The following CDH22 variants were observed in gnomAD, a reference collection of about 807,000 sequenced individuals.
CDH22 encodes the protein cadherin 22.
In CDH22, 30 loss-of-function variants were observed where a neutral mutation model predicts 58.4. The observed-to-expected ratio is 0.51, with a 90% CI of 0.38 to 0.70. CDH22 has a LOEUF of 0.70. CDH22 is among the 30% of genes least tolerant of loss of function. The pLI, the probability that CDH22 is intolerant of heterozygous loss-of-function variation, is 0.00. For missense variants in CDH22, 1,014 were observed against 1,233.9 expected (o/e 0.82, Z 2.67); for synonymous variants, 513 against 558.2 (o/e 0.92, Z 1.14).
chr20:46,281,201 G>A (rs1488194749), intron 1 of CDH22, among the ~76,000 whole-genome samples: 3 of 152,180 alleles, frequency 2.0e-5, no homozygotes, highest in Non-Finnish European at 4.4e-5. Flanking sequence ...CTGTGTGGAG[G>A]GTGGCTTTGG....
chr20:46,236,330 C>T (rs893832690), intron 3 of CDH22, among the ~76,000 whole-genome samples: 29 of 151,342 alleles, frequency 1.9e-4, no homozygotes, highest in African/African-American at 6.1e-4. Context: ...TCCTTGGTTC[C>T]CTTCCTTCAG....
intron 7 of CDH22, among the ~76,000 whole-genome samples, chr20:46,208,840 G>A (rs563437505): frequency 2.2e-4 from 33 of 152,152 alleles, no homozygotes; most frequent in Non-Finnish European, 3.8e-4. Context: ...TGATCTGCCC[G>A]CCTCGGCCTC....
At chr20:46,179,348 G>T (rs2085768310) in intron 10 of CDH22, among the ~76,000 whole-genome samples, 1 of 152,164 alleles carries the variant, frequency 6.6e-6, no homozygotes, top group Non-Finnish European at 1.5e-5. Context: ...TGGCAGCCTG[G>T]GTTCCTTACC....
intron 4 of CDH22, among the ~76,000 whole-genome samples, chr20:46,222,118 G>A (rs375703064): frequency 6.6e-6 from 1 of 152,188 alleles, no homozygotes; most frequent in South Asian, 2.1e-4. Context: ...TAGGGCTGTT[G>A]AGAGGACTGA....
chr20:46,197,315 T>TATATATATAC (rs1555801324), intron 8 of CDH22, among the ~76,000 whole-genome samples: 1 of 147,594 alleles, frequency 6.8e-6, no homozygotes, highest in Non-Finnish European at 1.5e-5. Context: ...TATATATATA[T>TATATATATAC]ATACATATGA....
chr20:46,219,545 C>T (rs1381731355), intron 4 of CDH22, among the ~76,000 whole-genome samples: 3 of 152,120 alleles, frequency 2.0e-5, no homozygotes, highest in Admixed American at 2.0e-4. Context: ...CTTGGCCTCC[C>T]GGCACTAAAT....
At chr20:46,185,155 ACACAC>A (rs1600686021) in intron 10 of CDH22, among the ~76,000 whole-genome samples, 1 of 151,548 alleles carries the variant, frequency 6.6e-6, no homozygotes, top group East Asian at 1.9e-4. Flanking sequence ...ACACACACAC[ACACAC>A]ACAAACAACA....
chr20:46,232,406 C>T (rs1264040126), intron 3 of CDH22, among the ~76,000 whole-genome samples: 2 of 152,176 alleles, frequency 1.3e-5, no homozygotes, highest in Non-Finnish European at 2.9e-5. Flanking sequence ...ATGGAGATAA[C>T]ACTTTATCAT....
At position 46,241,239 on chromosome 20, in the gene CDH22, C is replaced by T. The variant is rs76517618; in HGVS notation, c.274G>A (p.Glu92Lys). The T allele has an allele frequency of 1.3e-3, 2,029 of 1,606,196 alleles. 53 individuals are homozygous for T. The East Asian group carries it at 0.041, about 32-fold the overall frequency. The change falls in exon 3 of 12, where the codon GAG becomes AAG. Residue 92 changes from glutamate (E) to lysine (K), a missense_variant. Physicochemically the swap from Glu to Lys is moderately conservative, Grantham distance 56. Transcript: ENST00000537909. This position sits in a 1 kb window ranked among gnomAD's most constrained non-coding sequence, Gnocchi z 5.2. ...GTGTACTTGATGGCCCCGTCACCCT[C>T]GTCTGAGTCGGAGTGGATCTGGGTA... is the stretch of plus-strand genomic sequence containing the variant. ...YVGKIHSDSD[E>K]GDGAIKYTIS...
chr20:46,233,142 G>C (rs2086230982), intron 3 of CDH22, among the ~76,000 whole-genome samples: 1 of 152,116 alleles, frequency 6.6e-6, no homozygotes, highest in Non-Finnish European at 1.5e-5. Flanking sequence ...GGCAGAGCAG[G>C]AGGAGGAACT....
Position 46,210,452 on chromosome 20 carries a change from C to A in CDH22, c.1141G>T (p.Val381Leu), listed in dbSNP as rs767747834. The A allele has an allele frequency of 7.0e-6, 10 of 1,436,824 alleles. No homozygotes were observed. The African/African-American group carries it at 1.3e-4, about 19-fold the overall frequency. 89.0% of individuals were successfully genotyped at this position (1,436,824 alleles called of 1,614,324 possible). ...DLGTFRDQAI[V>L]RVAVTDVDEP... Reference sequence around the variant, plus strand: ...TCCACGTCGGTCACGGCCACGCGCACGATCGCCTGGTCGCGGAACGTGCCC... The same window carrying A: ...TCCACGTCGGTCACGGCCACGCGCAAGATCGCCTGGTCGCGGAACGTGCCC... The change falls in exon 7 of 12, where the codon GTG becomes TTG. Residue 381 changes from valine to leucine, a missense_variant. Val to Leu is a conservative substitution (Grantham distance 32, BLOSUM62 1). Coordinates refer to ENST00000537909, the MANE Select transcript of CDH22 (RefSeq NM_021248.3). This position sits in a 1 kb window ranked among gnomAD's most constrained non-coding sequence, Gnocchi z 4.5.
At chr20:46,291,204 G>A (rs1239870109) in intron 1 of CDH22, among the ~76,000 whole-genome samples, 1 of 152,220 alleles carries the variant, frequency 6.6e-6, no homozygotes, top group Non-Finnish European at 1.5e-5. Flanking sequence ...TTGAACCTGG[G>A]AGGCAGAGGT....
At chr20:46,276,332 T>C (rs569766209) in intron 1 of CDH22, among the ~76,000 whole-genome samples, 1 of 152,308 alleles carries the variant, frequency 6.6e-6, no homozygotes, top group Admixed American at 6.5e-5. Context: ...TTTTAAAGGA[T>C]CACTTCGGCT....
Position 46,174,413 on chromosome 20 carries a change from A to T in CDH22, c.*93T>A. 1.1e-6 allele frequency: 1 copy of T among 874,756 alleles called. No individual in the cohort carries two copies. The highest frequency in any genetic ancestry group is 1.6e-6 in the Non-Finnish European group (1 of 612,844). 54.2% of individuals were successfully genotyped at this position (874,756 alleles called of 1,614,324 possible). The stretch of plus-strand genomic sequence containing the variant: ...CGCCAAGGGAGGGTTGGGGGAGGGC[A>T]GGAAAGGGGGTCCGCGGGGGAAACG... On this transcript the variant is annotated 3_prime_UTR_variant, in exon 12 of 12. Coordinates refer to ENST00000537909, the MANE Select transcript of CDH22 (RefSeq NM_021248.3). This position sits in a 1 kb window ranked among gnomAD's most constrained non-coding sequence, Gnocchi z 4.4.
At chr20:46,184,775 C>T (rs2085812552) in intron 10 of CDH22, among the ~76,000 whole-genome samples, 1 of 152,108 alleles carries the variant, frequency 6.6e-6, no homozygotes, top group South Asian at 2.1e-4. Flanking sequence ...CCACCCGAGG[C>T]AGTAGGTGTT....
chr20:46,301,296 C>A (rs537980959), intron 1 of CDH22, among the ~76,000 whole-genome samples: 16 of 151,954 alleles, frequency 1.1e-4, no homozygotes, highest in Non-Finnish European at 1.9e-4. Context: ...AGCGCTTTGT[C>A]TGTATTACTT....
At chr20:46,238,783 C>A (rs897914366) in intron 3 of CDH22, among the ~76,000 whole-genome samples, 1 of 152,224 alleles carries the variant, frequency 6.6e-6, no homozygotes, top group Non-Finnish European at 1.5e-5. Flanking sequence ...TCCAAGCCAC[C>A]ATCACTTCCT....
At chr20:46,222,402 G>T (rs1052540757) in intron 4 of CDH22, among the ~76,000 whole-genome samples, 1 of 152,188 alleles carries the variant, frequency 6.6e-6, no homozygotes, top group African/African-American at 2.4e-5. Flanking sequence ...CTCCGTGAGG[G>T]CAGAAACCAG....
chr20:46,230,475 C>T (rs1373138073), intron 3 of CDH22, among the ~76,000 whole-genome samples: 1 of 152,178 alleles, frequency 6.6e-6, no homozygotes, highest in Non-Finnish European at 1.5e-5. Context: ...CTGACTCCAG[C>T]ACACCCCTGC....
Sources: gnomAD v4.1 joint callset for allele counts (sites outside exome capture counted in the v4.1 genomes callset) on GRCh38, gnomAD v4.1.1 for gene constraint, Gnocchi (gnomAD v3.1) non-coding constraint, MANE v1.5 for transcripts, NCBI Gene and HGNC (gene_info 2026-07-23, HGNC 2026-07-21) for gene names.